The following PRKD1 variants were observed in gnomAD, a reference collection of about 807,000 sequenced individuals.
PRKD1 encodes the protein protein kinase D1.
A neutral mutation model predicts 95.9 loss-of-function variants in PRKD1; 63 were observed. The observed-to-expected ratio is 0.66, with a 90% CI of 0.54 to 0.81. The LOEUF (loss-of-function observed/expected upper bound fraction) is 0.81. Ranked by LOEUF, PRKD1 falls within the 30% of genes least tolerant of loss-of-function variation. The pLI is 0.00. For synonymous variants in PRKD1, 425 were observed against 423.1 expected (o/e 1.00, Z -0.05); for missense variants, 1,048 against 1,165.3 (o/e 0.90, Z 1.47).
chr14:29,786,897 T>C (rs1198163779), intron 1 of PRKD1, among the ~76,000 whole-genome samples: 1 of 152,096 alleles, frequency 6.6e-6, no homozygotes, highest in Non-Finnish European at 1.5e-5. Flanking sequence ...TTCTTGCTTA[T>C]CTAGTTCCTT....
chr14:29,759,185 G>A (rs1034572329), intron 1 of PRKD1, among the ~76,000 whole-genome samples: 1 of 152,082 alleles, frequency 6.6e-6, no homozygotes, highest in Non-Finnish European at 1.5e-5. Flanking sequence ...CATAGGCAGT[G>A]AGTGTGGATT....
intron 1 of PRKD1, among the ~76,000 whole-genome samples, chr14:29,861,469 T>G (rs1490978653): frequency 3.9e-5 from 6 of 152,202 alleles, no homozygotes; most frequent in African/African-American, 9.6e-5. Flanking sequence ...ACATGAGATA[T>G]TCTGAGACAG....
At chr14:29,683,471 C>T (rs1883651752) in intron 2 of PRKD1, among the ~76,000 whole-genome samples, 1 of 152,062 alleles carries the variant, frequency 6.6e-6, no homozygotes, top group Non-Finnish European at 1.5e-5. Flanking sequence ...AAATGTAATT[C>T]AGGACAGAGG....
At chr14:29,755,001 A>G (rs1310509777) in intron 1 of PRKD1, among the ~76,000 whole-genome samples, 1 of 152,114 alleles carries the variant, frequency 6.6e-6, no homozygotes, top group African/African-American at 2.4e-5. Flanking sequence ...CACCTTATAT[A>G]AATTCAATTA....
At chr14:29,777,124 T>G (rs1278501786) in intron 1 of PRKD1, among the ~76,000 whole-genome samples, 1 of 152,164 alleles carries the variant, frequency 6.6e-6, no homozygotes, top group Non-Finnish European at 1.5e-5. Context: ...AGGCCTGCCT[T>G]ACAAGAGCTC....
chr14:29,831,247 A>C (rs1668772615), intron 1 of PRKD1, among the ~76,000 whole-genome samples: 1 of 152,166 alleles, frequency 6.6e-6, no homozygotes, highest in Non-Finnish European at 1.5e-5. Flanking sequence ...CTTATTTACA[A>C]AATAGGCCTA....
chr14:29,864,548 C>T (rs997204753), intron 1 of PRKD1, among the ~76,000 whole-genome samples: 1 of 151,994 alleles, frequency 6.6e-6, no homozygotes, highest in Non-Finnish European at 1.5e-5. Flanking sequence ...CCTAAAAATA[C>T]CCCCCTTCAT....
At chr14:29,919,744 T>G (rs1217531675) in intron 1 of PRKD1, among the ~76,000 whole-genome samples, 1 of 145,602 alleles carries the variant, frequency 6.9e-6, no homozygotes, top group Non-Finnish European at 1.5e-5. Flanking sequence ...AGGTGGGTCA[T>G]CACTTGAGCA....
intron 2 of PRKD1, among the ~76,000 whole-genome samples, chr14:29,698,096 A>G (rs1884629517): frequency 6.6e-6 from 1 of 152,198 alleles, no homozygotes; most frequent in East Asian, 1.9e-4. Context: ...GTCAATGCAT[A>G]GATATTTACA....
chr14:29,802,115 G>A (rs910489355), intron 1 of PRKD1, among the ~76,000 whole-genome samples: 1 of 152,040 alleles, frequency 6.6e-6, no homozygotes, highest in African/African-American at 2.4e-5. Context: ...GAGAGAGGGT[G>A]GGAAAGAGGG....
At chr14:29,596,876 A>T (rs773140878) in intron 16 of PRKD1, among the ~76,000 whole-genome samples, 2 of 152,232 alleles carry the variant, frequency 1.3e-5, no homozygotes, top group Non-Finnish European at 2.9e-5. Flanking sequence ...AGAGGAAGGA[A>T]ATATTTATTA....
At chr14:29,677,813 C>T (rs1883320987) in intron 2 of PRKD1, among the ~76,000 whole-genome samples, 1 of 152,212 alleles carries the variant, frequency 6.6e-6, no homozygotes, top group Non-Finnish European at 1.5e-5. Context: ...GATCCACCAG[C>T]CTTGGCCTCC....
intron 1 of PRKD1, among the ~76,000 whole-genome samples, chr14:29,804,174 G>T (rs1005283242): frequency 3.3e-5 from 5 of 150,734 alleles, no homozygotes; most frequent in Non-Finnish European, 7.4e-5. Context: ...CTCAGAAGGC[G>T]AAGGTTGCAA....
intron 1 of PRKD1, among the ~76,000 whole-genome samples, chr14:29,809,766 T>C (rs1890401285): frequency 6.6e-6 from 1 of 152,220 alleles, no homozygotes; most frequent in South Asian, 2.1e-4. Flanking sequence ...TCCCTATCAG[T>C]ACTAAGGCTG....
intron 4 of PRKD1, chr14:29,657,529 G>A (rs1467674382): frequency 6.6e-6 from 1 of 152,202 alleles, no homozygotes; most frequent in African/African-American, 2.4e-5. Context: ...AAAGTCATGA[G>A]CATTTGGACT....
chr14:29,900,041 T>C (rs1894269080), intron 1 of PRKD1, among the ~76,000 whole-genome samples: 3 of 152,246 alleles, frequency 2.0e-5, no homozygotes, highest in Admixed American at 2.0e-4. Flanking sequence ...CCAGTATTAC[T>C]GTAAGTTTCC....
chr14:29,733,628 T>C (rs1886565445), intron 1 of PRKD1, among the ~76,000 whole-genome samples: 1 of 152,026 alleles, frequency 6.6e-6, no homozygotes, highest in African/African-American at 2.4e-5. Context: ...GGAAGGAGAA[T>C]TGCTGAGTGA....
At chr14:29,583,175 C>T (rs889686696) in intron 16 of PRKD1, among the ~76,000 whole-genome samples, 3 of 152,064 alleles carry the variant, frequency 2.0e-5, no homozygotes, top group Admixed American at 2.0e-4. Flanking sequence ...CCTGTACCTC[C>T]TTCTATAAAA....
intron 4 of PRKD1, among the ~76,000 whole-genome samples, chr14:29,662,138 C>A (rs900829932): frequency 6.6e-6 from 1 of 152,028 alleles, no homozygotes; most frequent in South Asian, 2.1e-4. Context: ...CTTACATAAG[C>A]TAAATTAGAT....
Sources: gnomAD v4.1 joint callset for allele counts (sites outside exome capture counted in the v4.1 genomes callset) on GRCh38, gnomAD v4.1.1 for gene constraint, MANE v1.5 for transcripts, NCBI Gene and HGNC (gene_info 2026-07-23, HGNC 2026-07-21) for gene names.